The following SCFD2 variants were observed in gnomAD, a reference collection of about 807,000 sequenced individuals.
The protein encoded by SCFD2 is sec1 family domain containing 2, also known as sec1 family domain-containing protein 2.
In SCFD2, 54 loss-of-function variants were observed where a neutral mutation model predicts 58.9. The ratio of observed to expected loss-of-function variants is 0.92; its 90% CI spans 0.74 to 1.15. SCFD2 has a LOEUF of 1.15. SCFD2 is among the 50% of genes most tolerant of loss of function. SCFD2 has a pLI of 0.00. For synonymous variants in SCFD2, 321 were observed against 335.9 expected, an observed-to-expected ratio of 0.96 and a Z score of 0.49; for missense variants, 805 against 836.6, an observed-to-expected ratio of 0.96 and a Z score of 0.47.
chr4:53,203,833 A>T (rs1728325481), intron 4 of SCFD2, among the ~76,000 whole-genome samples: 1 of 152,102 alleles, frequency 6.6e-6, no homozygotes, highest in African/African-American at 2.4e-5. Context: ...TGGATCCCTA[A>T]ATGTCCCCAC....
intron 5 of SCFD2, among the ~76,000 whole-genome samples, chr4:53,069,900 A>C (rs1284026778): frequency 1.3e-5 from 2 of 152,046 alleles, no homozygotes; most frequent in South Asian, 4.1e-4. Context: ...TAATATACAT[A>C]TACATCTTTC....
rs561443997 is a variant in SCFD2 at position 53,274,662 on chromosome 4, T to C, written c.1136-661A>G. Among the ~76,000 whole-genome samples the C allele has an allele frequency of 9.2e-4, 140 of 152,274 alleles. No homozygotes were observed. The Middle Eastern group carries it at 0.02, about 22-fold the overall frequency. ...CTACCTCATAAAAGCATAGAGACTA[T>C]ACAAACACTTGTACATCTACAAACA... On this transcript the variant is annotated intron_variant, in intron 3 of 8. Coordinates refer to ENST00000401642, the MANE Select transcript of SCFD2 (RefSeq NM_152540.4).
At position 53,273,957 on chromosome 4, in the gene SCFD2, T is replaced by C; in HGVS notation, c.1180A>G (p.Lys394Glu). ...TTCATTAGAGCTTTGAGGTTGTTCTTGAAGAGCTGAATATAGGACATGAGC... is the reference window on the plus strand; with the variant it reads ...TTCATTAGAGCTTTGAGGTTGTTCTCGAAGAGCTGAATATAGGACATGAGC... ...GQLMSYIQLF[K>E]NNLKALMNHC... Residue 394 changes from lysine (K) to glutamate (E), a missense_variant, in exon 4 of 9, where the codon AAG becomes GAG. Lys to Glu is a moderately conservative substitution (Grantham distance 56). Around this residue, in one of 3 missense-constraint regions of SCFD2, gnomAD observed 633 missense variants for 646.8 expected, o/e 0.98. Transcript: ENST00000401642. 1 of 1,613,764 alleles carries C rather than the reference T, an allele frequency of 6.2e-7. No individual in the cohort carries two copies. Among genetic ancestry groups the C allele is most frequent in the Non-Finnish European group, 8.5e-7 (1 of 1,179,792 alleles).
intron 5 of SCFD2, among the ~76,000 whole-genome samples, chr4:52,960,581 C>A (rs1426492480): frequency 1.3e-5 from 2 of 152,020 alleles, no homozygotes; most frequent in African/African-American, 4.8e-5. Context: ...GTTGGTCAGG[C>A]TGGTCTCAAA....
chr4:53,043,080 A>G (rs1242273581), intron 5 of SCFD2, among the ~76,000 whole-genome samples: 1 of 152,210 alleles, frequency 6.6e-6, no homozygotes, highest in African/African-American at 2.4e-5. Flanking sequence ...TCAGCTACCA[A>G]TAAAATCCGA....
At chr4:52,959,727 C>T (rs994972925) in intron 5 of SCFD2, among the ~76,000 whole-genome samples, 1 of 152,074 alleles carries the variant, frequency 6.6e-6, no homozygotes, top group African/African-American at 2.4e-5. Flanking sequence ...AAGAGGAATG[C>T]AAAAACAAGA....
intron 4 of SCFD2, among the ~76,000 whole-genome samples, chr4:53,205,315 GCC>G (rs1472279685): frequency 6.6e-6 from 1 of 151,894 alleles, no homozygotes; most frequent in Non-Finnish European, 1.5e-5. Context: ...ACCTGGATGT[GCC>G]CCATCAAATA....
intron 5 of SCFD2, among the ~76,000 whole-genome samples, chr4:52,999,736 T>G (rs1473475032): frequency 6.6e-6 from 1 of 152,224 alleles, no homozygotes; most frequent in East Asian, 1.9e-4. Flanking sequence ...AATGTTGTTT[T>G]TGGGTAAACC....
chr4:53,122,087 G>A (rs1725494244), intron 5 of SCFD2, among the ~76,000 whole-genome samples: 1 of 152,028 alleles, frequency 6.6e-6, no homozygotes, highest in Non-Finnish European at 1.5e-5. Flanking sequence ...AAAACATTCT[G>A]AACCCTAGTC....
intron 5 of SCFD2, among the ~76,000 whole-genome samples, chr4:53,037,830 T>C (rs1307877984): frequency 6.6e-6 from 1 of 152,152 alleles, no homozygotes; most frequent in Non-Finnish European, 1.5e-5. Flanking sequence ...GTTATATTTA[T>C]GAGACCTGAG....
chr4:53,179,616 C>T (rs1414804740), intron 4 of SCFD2, among the ~76,000 whole-genome samples: 1 of 152,164 alleles, frequency 6.6e-6, no homozygotes, highest in African/African-American at 2.4e-5. Flanking sequence ...AACCAGCTAA[C>T]ATCATAATGA....
At chr4:53,228,397 C>G (rs1729300330) in intron 4 of SCFD2, among the ~76,000 whole-genome samples, 1 of 152,154 alleles carries the variant, frequency 6.6e-6, no homozygotes, top group Admixed American at 6.6e-5. Context: ...TCTTCTACGA[C>G]TCTTGGCAAA....
At chr4:53,215,081 T>C (rs1158830738) in intron 4 of SCFD2, among the ~76,000 whole-genome samples, 1 of 152,138 alleles carries the variant, frequency 6.6e-6, no homozygotes, top group Non-Finnish European at 1.5e-5. Context: ...TGAAGTCAGG[T>C]AGCTTGATGC....
intron 5 of SCFD2, among the ~76,000 whole-genome samples, chr4:52,952,923 G>A (rs1376658384): frequency 6.6e-6 from 1 of 152,184 alleles, no homozygotes; most frequent in Non-Finnish European, 1.5e-5. Flanking sequence ...TAAAATGAAT[G>A]CTAACATCTT....
chr4:53,074,070 T>C (rs748156822), intron 5 of SCFD2, among the ~76,000 whole-genome samples: 1 of 152,208 alleles, frequency 6.6e-6, no homozygotes, highest in Non-Finnish European at 1.5e-5. Flanking sequence ...GTAGAACTTC[T>C]TTCAAGATTG....
chr4:53,019,345 T>C (rs1183200952), intron 5 of SCFD2, among the ~76,000 whole-genome samples: 1 of 152,188 alleles, frequency 6.6e-6, no homozygotes, highest in Non-Finnish European at 1.5e-5. Context: ...TAAAGCCCTG[T>C]TTATGTAGGT....
intron 5 of SCFD2, among the ~76,000 whole-genome samples, chr4:53,028,064 T>C (rs549376220): frequency 1.3e-5 from 2 of 152,086 alleles, no homozygotes; most frequent in East Asian, 1.9e-4. Flanking sequence ...CTGGACAATA[T>C]GGTGAAACCT....
At chr4:53,330,629 C>T (rs920070839) in intron 2 of SCFD2, among the ~76,000 whole-genome samples, 9 of 151,908 alleles carry the variant, frequency 5.9e-5, no homozygotes, top group African/African-American at 1.9e-4. Flanking sequence ...CAGTACCAGC[C>T]GCTGCAAAAT....
chr4:53,329,612 G>C lies in SCFD2; in HGVS notation c.1008-15849C>G, dbSNP rs577365347. ...CCATCTGTACATCACCATCATCAAA[G>C]ACCAAAAGTAGATAAAACCACAAAG... On this transcript the variant is annotated intron_variant, in intron 2 of 8. Transcript: ENST00000401642. Among the ~76,000 whole-genome samples, 108 of 152,098 alleles carry C rather than the reference G, an allele frequency of 7.1e-4. No homozygotes were observed. In the Middle Eastern group the frequency reaches 0.014, roughly 19 times the overall value.
Sources: allele counts gnomAD v4.1 joint callset (sites outside exome capture counted in the v4.1 genomes callset), GRCh38; gene constraint gnomAD v4.1.1; regional missense constraint gnomAD v4.1.1; transcripts MANE v1.5; gene names NCBI Gene and HGNC (gene_info 2026-07-23, HGNC 2026-07-21).